HLA-DRB1: variants seen among roughly 807,000 people sequenced by gnomAD.
HLA-DRB1 encodes major histocompatibility complex, class II, DR beta 1.
HLA-DRB1 carries 10 observed loss-of-function variants against 27.9 expected under a neutral mutation model. The ratio of observed to expected loss-of-function variants is 0.36; its 90% CI spans 0.22 to 0.61. The LOEUF is 0.61. HLA-DRB1 is among the 20% of genes least tolerant of loss of function. HLA-DRB1 has a pLI of 0.73. For missense variants in HLA-DRB1, 118 were observed against 306.3 expected, an observed-to-expected ratio of 0.39 and a Z score of 4.59; for synonymous variants, 57 against 126.7, an observed-to-expected ratio of 0.45 and a Z score of 3.69.
At chr6:32,585,416 C>A (rs36024033) in intron 1 of HLA-DRB1, among the ~76,000 whole-genome samples, 13,326 of 106,404 alleles carry the variant, frequency 0.13, 317 homozygotes, top group African/African-American at 0.14. Flanking sequence ...TTTTTGTAAT[C>A]TATCAAATGC....
chr6:32,579,223 TC>T (rs67419769), intron 5 of HLA-DRB1, 119 bp from the exon 6 acceptor site: 25,044 of 230,884 alleles, frequency 0.11, 5,558 homozygotes, highest in African/African-American at 0.3. Context: ...TTCCTGAGTC[TC>T]CCCTGAGCCA....
chr6:32,581,855 G>C lies in HLA-DRB1; in HGVS notation c.371-17C>G. 3 of 1,016,280 alleles carry C rather than the reference G, an allele frequency of 3.0e-6. No homozygotes were observed. The highest frequency in any genetic ancestry group is 4.5e-4 in the Middle Eastern group (2 of 4,486). 63.0% of individuals were successfully genotyped at this position (1,016,280 alleles called of 1,614,324 possible). ...TAGGTTGGACTAGGAGAAAAACAAC[G>C]TAGAGGGAATGAGTCAGGAAGACAG... On this transcript the variant is annotated splice_polypyrimidine_tract_variant and intron_variant, in intron 2 of 5. Coordinates refer to ENST00000360004, the Ensembl canonical transcript of HLA-DRB1.
chr6:32,587,735 A>C, intron 1 of HLA-DRB1, among the ~76,000 whole-genome samples: 1 of 127,970 alleles, frequency 7.8e-6, no homozygotes, highest in Non-Finnish European at 1.7e-5. Context: ...TCTCTTTTTC[A>C]CAAACCTGAT....
At chr6:32,582,566 G>A (rs1438774818) in intron 2 of HLA-DRB1, among the ~76,000 whole-genome samples, 2 of 100,602 alleles carry the variant, frequency 2.0e-5, no homozygotes, top group Non-Finnish European at 4.1e-5. Context: ...TTCTGCCCCT[G>A]GGAAGGTGGG....
At chr6:32,588,379 AAGT>A (rs1776825862) in intron 1 of HLA-DRB1, among the ~76,000 whole-genome samples, 1 of 93,794 alleles carries the variant, frequency 1.1e-5, no homozygotes, top group African/African-American at 4.2e-5. Flanking sequence ...ACTTGAGCAT[AAGT>A]GGCAGAGGTT....
intron 1 of HLA-DRB1, among the ~76,000 whole-genome samples, chr6:32,589,200 C>A: frequency 7.5e-6 from 1 of 132,766 alleles, no homozygotes; most frequent in Non-Finnish European, 1.6e-5. Flanking sequence ...TGGCCAACAC[C>A]AAAGGTCCTG....
At chr6:32,588,174 G>A (rs566030527) in intron 1 of HLA-DRB1, among the ~76,000 whole-genome samples, 1 of 117,614 alleles carries the variant, frequency 8.5e-6, no homozygotes, top group Admixed American at 9.2e-5. Context: ...CATCTCTTTT[G>A]CCTGGGCACA....
exon 3 of HLA-DRB1, chr6:32,581,836 G>T (rs17882084): frequency 8.4e-7 from 1 of 1,196,776 alleles, no homozygotes; most frequent in Non-Finnish European, 1.2e-6. Flanking sequence ...ACCTTAGGTT[G>T]GACTAGGAGA....
At chr6:32,583,010 T>C (rs1196897217) in intron 2 of HLA-DRB1, among the ~76,000 whole-genome samples, 5 of 142,104 alleles carry the variant, frequency 3.5e-5, no homozygotes, top group Non-Finnish European at 7.6e-5. Context: ...GAAAAGAATT[T>C]TCAAAATCCA....
intron 2 of HLA-DRB1, among the ~76,000 whole-genome samples, chr6:32,582,870 T>G (rs41283772): frequency 0.43 from 53,647 of 125,394 alleles, 13,234 homozygotes; most frequent in Middle Eastern, 0.55. Context: ...ATACAACTAT[T>G]TTTTTAGAAG....
chr6:32,585,974 T>G (rs9270051), intron 1 of HLA-DRB1, among the ~76,000 whole-genome samples: 796 of 98,488 alleles, frequency 8.1e-3, no homozygotes, highest in East Asian at 0.041. Flanking sequence ...TGATGGCGAC[T>G]GGATTCATTT....
intron 1 of HLA-DRB1, among the ~76,000 whole-genome samples, chr6:32,585,070 A>T (rs796601625): frequency 0.21 from 17,578 of 85,274 alleles, 3,264 homozygotes; most frequent in African/African-American, 0.23. Flanking sequence ...TTGTAACTCT[A>T]GCCCAACTTG....
intron 1 of HLA-DRB1, among the ~76,000 whole-genome samples, chr6:32,588,660 T>C (rs1245554372): frequency 1.6e-5 from 1 of 61,760 alleles, no homozygotes; most frequent in Non-Finnish European, 3.3e-5. Flanking sequence ...AGACAATGAG[T>C]TCCCAAGACT....
intron 2 of HLA-DRB1, among the ~76,000 whole-genome samples, chr6:32,582,993 T>G (rs1561809996): frequency 6.9e-6 from 1 of 144,712 alleles, no homozygotes. Flanking sequence ...TTCAAATTCT[T>G]AACATGGAAA....
At chr6:32,585,579 C>T (rs1217571392) in intron 1 of HLA-DRB1, among the ~76,000 whole-genome samples, 1 of 140,880 alleles carries the variant, frequency 7.1e-6, no homozygotes, top group South Asian at 2.3e-4. Context: ...TTTTTGTATT[C>T]CTTAATTCTA....
At chr6:32,579,143 T>C (rs763779342) in intron 5 of HLA-DRB1, 39 bp from the exon 6 acceptor site, 2 of 865,670 alleles carry the variant, frequency 2.3e-6, no homozygotes, top group Admixed American at 4.7e-5. Flanking sequence ...TCAACCTGGC[T>C]CTACTAACAG....
chr6:32,584,736 C>CCATTTAA (rs1361025706), intron 1 of HLA-DRB1, among the ~76,000 whole-genome samples: 10,392 of 79,528 alleles, frequency 0.13, 1 homozygote, highest in Admixed American at 0.2. Flanking sequence ...TCTCATCCCA[C>CCATTTAA]ACGCTTTACC....
intron 1 of HLA-DRB1, 109 bp from the exon 2 acceptor site, chr6:32,584,487 C>G: frequency 1.5e-6 from 1 of 663,950 alleles, no homozygotes; most frequent in Admixed American, 2.9e-5. Context: ...GGAACCTTAA[C>G]CGGCCCCACC....
intron 1 of HLA-DRB1, among the ~76,000 whole-genome samples, chr6:32,586,600 C>A (rs116526466): frequency 0.023 from 1,094 of 46,718 alleles, 9 homozygotes; most frequent in Middle Eastern, 0.059. Flanking sequence ...CCTATGTATC[C>A]TCTTCCACGC....
Sources: gnomAD v4.1 joint callset for allele counts (sites outside exome capture counted in the v4.1 genomes callset) on GRCh38, gnomAD v4.1.1 for gene constraint, MANE v1.5 for transcripts, NCBI Gene and HGNC (gene_info 2026-07-23, HGNC 2026-07-21) for gene names.